Variants in AKR1D1 observed in about 807,000 individuals in gnomAD.
The protein encoded by AKR1D1 is aldo-keto reductase family 1 member D1.
In AKR1D1, 32 loss-of-function variants were observed where a neutral mutation model predicts 42.6. The observed-to-expected ratio is 0.75, with a 90% CI of 0.57 to 1.01. The LOEUF is 1.01. Ranked by LOEUF, AKR1D1 falls within the 50% of genes least tolerant of loss-of-function variation. AKR1D1 has a pLI of 0.00. For synonymous variants in AKR1D1, 123 were observed against 135.5 expected (o/e 0.91, Z 0.64); for missense variants, 364 against 402.2 (o/e 0.91, Z 0.81).
At chr7:138,090,444 C>T (rs1310874600) in intron 2 of AKR1D1, among the ~76,000 whole-genome samples, 1 of 152,010 alleles carries the variant, frequency 6.6e-6, no homozygotes, top group Non-Finnish European at 1.5e-5. Context: ...CGAGACCAGA[C>T]TGGCCAACAT....
intron 1 of AKR1D1, among the ~76,000 whole-genome samples, chr7:138,078,225 G>C (rs1027997176): frequency 6.6e-6 from 1 of 152,142 alleles, no homozygotes; most frequent in South Asian, 2.1e-4. Context: ...GCCTCCCAAA[G>C]TGCTGGAATT....
At chr7:138,077,553 T>A (rs1802967467) in intron 1 of AKR1D1, among the ~76,000 whole-genome samples, 1 of 152,144 alleles carries the variant, frequency 6.6e-6, no homozygotes, top group African/African-American at 2.4e-5. Context: ...GAAATGGAAA[T>A]AATTAAATTT....
chr7:138,088,564 TCTCTTTTCCCCAAACCCAAC>T lies in AKR1D1; in HGVS notation c.94-30_94-11del. 1 of 1,610,060 alleles carries T rather than the reference TCTCTTTTCCCCAAACCCAAC, an allele frequency of 6.2e-7. No individual in the cohort carries two copies. ...AATGATTATTAAAGGAAAGACCATT[TCTCTTTTCCCCAAACCCAAC>T]CTCTTTGTCACTTCAGACCCCTAAG... On this transcript the variant is annotated splice_polypyrimidine_tract_variant and intron_variant, in intron 1 of 8. Transcript: ENST00000242375.
At chr7:138,081,479 T>A (rs1803054510) in intron 1 of AKR1D1, among the ~76,000 whole-genome samples, 1 of 142,448 alleles carries the variant, frequency 7.0e-6, no homozygotes, top group Non-Finnish European at 1.5e-5. Flanking sequence ...TAAGGGATAA[T>A]ATCCAAAATA....
chr7:138,080,986 C>CA (rs1803042919), intron 1 of AKR1D1, among the ~76,000 whole-genome samples: 1 of 151,760 alleles, frequency 6.6e-6, no homozygotes, highest in African/African-American at 2.4e-5. Context: ...AGAGGACAGC[C>CA]GTAATTGAGC....
chr7:138,089,886 G>T (rs186116594), intron 2 of AKR1D1, among the ~76,000 whole-genome samples: 6 of 152,254 alleles, frequency 3.9e-5, no homozygotes, highest in East Asian at 3.9e-4. Context: ...CTGGTGCAAG[G>T]TTGCCCAGGT....
At chr7:138,082,272 G>T (rs1803074549) in intron 1 of AKR1D1, among the ~76,000 whole-genome samples, 1 of 152,028 alleles carries the variant, frequency 6.6e-6, no homozygotes, top group Non-Finnish European at 1.5e-5. Context: ...TGCTGTGTTT[G>T]GTTCTTTCCT....
intron 4 of AKR1D1, among the ~76,000 whole-genome samples, chr7:138,100,696 A>ATTT (rs1794283773): frequency 2.1e-5 from 2 of 96,912 alleles, no homozygotes; most frequent in African/African-American, 4.4e-5. Flanking sequence ...ATAGTCAGAG[A>ATTT]TTCTTTTTTT....
intron 8 of AKR1D1, among the ~76,000 whole-genome samples, chr7:138,115,206 G>A (rs963149839): frequency 1.3e-5 from 2 of 152,150 alleles, no homozygotes; most frequent in Non-Finnish European, 2.9e-5. Flanking sequence ...ACTCTGGGAG[G>A]CTAAGATAGG....
At chr7:138,097,690 G>A (rs774158027) in intron 3 of AKR1D1, among the ~76,000 whole-genome samples, 176 bp from the exon 4 acceptor site, 22 of 152,146 alleles carry the variant, frequency 1.4e-4, no homozygotes, top group Non-Finnish European at 3.1e-4. Context: ...CAGGAAGCAT[G>A]GGCAGGTGTC....
intron 8 of AKR1D1, among the ~76,000 whole-genome samples, chr7:138,115,966 A>C (rs1356058814): frequency 6.6e-6 from 1 of 152,046 alleles, no homozygotes; most frequent in African/African-American, 2.4e-5. Flanking sequence ...GGTGGCTCAC[A>C]CCTATAGTCC....
chr7:138,115,661 T>C (rs531384999), intron 8 of AKR1D1, among the ~76,000 whole-genome samples: 1 of 152,308 alleles, frequency 6.6e-6, no homozygotes, highest in East Asian at 1.9e-4. Flanking sequence ...TTAGAGATAT[T>C]GGACCATGAT....
intron 8 of AKR1D1, among the ~76,000 whole-genome samples, chr7:138,115,668 T>A (rs1031562430): frequency 1.3e-5 from 2 of 152,232 alleles, no homozygotes; most frequent in Non-Finnish European, 2.9e-5. Context: ...TATTGGACCA[T>A]GATTTTTTTC....
chr7:138,083,814 G>A (rs1342150469), intron 1 of AKR1D1, among the ~76,000 whole-genome samples: 1 of 152,120 alleles, frequency 6.6e-6, no homozygotes, highest in African/African-American at 2.4e-5. Context: ...TCCAATATTA[G>A]GATCTATGGT....
chr7:138,096,605 C>A (rs955757475), intron 3 of AKR1D1, among the ~76,000 whole-genome samples: 2 of 152,206 alleles, frequency 1.3e-5, no homozygotes, highest in African/African-American at 4.8e-5. Context: ...ATCCCTATTA[C>A]CAAAGTCAAC....
intron 4 of AKR1D1, 126 bp from the exon 5 acceptor site, chr7:138,105,181 T>C: frequency 1.5e-6 from 2 of 1,359,182 alleles, no homozygotes; most frequent in South Asian, 1.2e-5. Context: ...TTTACTTTTT[T>C]TCGCAAGATG....
chr7:138,093,771 C>CA (rs1794133461), intron 3 of AKR1D1, among the ~76,000 whole-genome samples: 2 of 152,156 alleles, frequency 1.3e-5, no homozygotes, highest in Non-Finnish European at 2.9e-5. Context: ...TGTTTACTAT[C>CA]ATTATCAAGT....
chr7:138,098,866 A>T (rs1323946832), intron 4 of AKR1D1, among the ~76,000 whole-genome samples: 1 of 152,040 alleles, frequency 6.6e-6, no homozygotes, highest in East Asian at 1.9e-4. Flanking sequence ...GTCCTTTTGC[A>T]CTTCCTTCAC....
chr7:138,097,215 C>T (rs577245003), intron 3 of AKR1D1, among the ~76,000 whole-genome samples: 35 of 152,312 alleles, frequency 2.3e-4, no homozygotes, highest in Non-Finnish European at 7.4e-5. Context: ...ACTGCAGTTG[C>T]CCCAGTCCCA....
Sources: gnomAD v4.1 joint callset for allele counts (sites outside exome capture counted in the v4.1 genomes callset) on GRCh38, gnomAD v4.1.1 for gene constraint, MANE v1.5 for transcripts, NCBI Gene and HGNC (gene_info 2026-07-23, HGNC 2026-07-21) for gene names.